TPTE: variants seen among roughly 807,000 people sequenced by gnomAD.
TPTE encodes the protein putative tyrosine-protein phosphatase TPTE.
Under a neutral mutation model 84.1 loss-of-function variants are expected in TPTE, and 59 were observed. The observed-to-expected ratio is 0.70, with a 90% confidence interval of 0.57 to 0.87. The LOEUF is 0.87. Among genes scored for constraint, TPTE ranks in the 40% least tolerant of loss-of-function variants. The pLI, the probability that TPTE is intolerant of heterozygous loss-of-function variation, is 0.00. For synonymous variants in TPTE, 130 were observed against 223.5 expected (o/e 0.58, Z 3.73); for missense variants, 382 against 659.6 (o/e 0.58, Z 4.61).
chr21:10,569,426 T>C lies in TPTE; in HGVS notation c.567-11T>C, dbSNP rs1207667001. 1 of 1,610,902 alleles carries C rather than the reference T, an allele frequency of 6.2e-7. No homozygotes were observed. The highest frequency in any genetic ancestry group is 8.5e-7 in the Non-Finnish European group (1 of 1,179,054). ...CTGAAGCAAAAATGGATCGTTTAAA[T>C]TTATTCTTAGATGGACACATTTACT... On this transcript the variant is annotated splice_polypyrimidine_tract_variant and intron_variant, in intron 11 of 23. Transcript: ENST00000618007.
chr21:10,591,547 G>A (rs1390971912), intron 18 of TPTE, among the ~76,000 whole-genome samples: 2 of 152,312 alleles, frequency 1.3e-5, no homozygotes, highest in African/African-American at 2.4e-5. Flanking sequence ...ATATTGGTGT[G>A]TGTGTGTGTC....
chr21:10,573,948 T>C (rs1221218335), intron 14 of TPTE, among the ~76,000 whole-genome samples: 8 of 152,422 alleles, frequency 5.2e-5, no homozygotes, highest in Admixed American at 6.5e-5. Flanking sequence ...ACAATGCAAA[T>C]TACACTACCA....
chr21:10,593,822 G>T (rs550235900), intron 19 of TPTE, among the ~76,000 whole-genome samples: 13 of 152,392 alleles, frequency 8.5e-5, no homozygotes, highest in African/African-American at 3.1e-4. Context: ...TTTGGATGTG[G>T]CTGTAAATGA....
chr21:10,568,576 C>T (rs1192397250), intron 11 of TPTE, among the ~76,000 whole-genome samples: 1 of 152,310 alleles, frequency 6.6e-6, no homozygotes, highest in Non-Finnish European at 1.5e-5. Context: ...TCTTTTTGTA[C>T]CCTAGCTTCC....
At chr21:10,532,876 G>A (rs903600153) in intron 3 of TPTE, among the ~76,000 whole-genome samples, 16 of 152,292 alleles carry the variant, frequency 1.1e-4, no homozygotes, top group African/African-American at 3.9e-4. Context: ...CTTTCTTTAT[G>A]GTACAGAGAG....
At chr21:10,574,212 T>C (rs1192540965) in intron 14 of TPTE, among the ~76,000 whole-genome samples, 1 of 152,312 alleles carries the variant, frequency 6.6e-6, no homozygotes, top group Non-Finnish European at 1.5e-5. Context: ...TGTTTAATTT[T>C]ATGTAATTTA....
At chr21:10,581,516 T>C (rs76978458) in intron 17 of TPTE, among the ~76,000 whole-genome samples, 5,095 of 139,466 alleles carry the variant, frequency 0.037, no homozygotes, top group East Asian at 0.11. Context: ...GAGCAGCCTC[T>C]TTTTTATGTG....
intron 2 of TPTE, among the ~76,000 whole-genome samples, chr21:10,526,266 G>A (rs1235285798): frequency 6.6e-6 from 1 of 152,308 alleles, no homozygotes; most frequent in Non-Finnish European, 1.5e-5. Flanking sequence ...CCAGGCTAAC[G>A]AGATGCGATA....
intron 3 of TPTE, among the ~76,000 whole-genome samples, chr21:10,536,883 T>C (rs1196716486): frequency 2.6e-5 from 4 of 152,310 alleles, no homozygotes; most frequent in Non-Finnish European, 4.4e-5. Context: ...GAAAACCCTA[T>C]GCAGAGCAAC....
At chr21:10,589,242 C>CTGGGT (rs2075420126) in intron 17 of TPTE, among the ~76,000 whole-genome samples, 1 of 152,366 alleles carries the variant, frequency 6.6e-6, no homozygotes, top group East Asian at 1.9e-4. Context: ...GTAGAGCATG[C>CTGGGT]TGGGTAGGGT....
In TPTE at chr21:10,542,453, G is replaced by T. The variant is rs1405840152; in HGVS notation, c.119+5G>T. ...GGAGGCACCTGCGAAAGAAAGGTGA[G>T]CAATAAATAGTTAAAGTCACCCGTC... On this transcript the variant is annotated splice_donor_5th_base_variant and intron_variant, in intron 6 of 23. Transcript: ENST00000618007. 2.5e-6 allele frequency: 4 copies of T among 1,610,814 alleles called. No individual in the cohort carries two copies. Among genetic ancestry groups the T allele is most frequent in the Admixed American group, 3.3e-5 (2 of 59,888 alleles).
chr21:10,553,417 G>A (rs2074619038), intron 8 of TPTE, among the ~76,000 whole-genome samples: 1 of 152,306 alleles, frequency 6.6e-6, no homozygotes, highest in East Asian at 1.9e-4. Flanking sequence ...AGCTGTTGGT[G>A]TCTAAACAAA....
chr21:10,564,208 C>A (rs2074868069), intron 10 of TPTE, among the ~76,000 whole-genome samples: 1 of 152,412 alleles, frequency 6.6e-6, no homozygotes, highest in East Asian at 1.9e-4. Flanking sequence ...AAACACTCTT[C>A]TCCCATAAAG....
intron 17 of TPTE, among the ~76,000 whole-genome samples, 181 bp downstream of exon 17, chr21:10,578,786 A>T (rs2075215610): frequency 1.3e-5 from 2 of 152,312 alleles, no homozygotes; most frequent in Non-Finnish European, 2.9e-5. Context: ...AGGGTAGGAG[A>T]TAGGGAGAGG....
At chr21:10,600,998 G>C (rs1279937532) in intron 21 of TPTE, among the ~76,000 whole-genome samples, 1 of 152,186 alleles carries the variant, frequency 6.6e-6, no homozygotes, top group Non-Finnish European at 1.5e-5. Flanking sequence ...ACAGACCCCC[G>C]TTGTTATTTT....
chr21:10,561,257 G>T, intron 10 of TPTE, 66 bp downstream of exon 10: 2 of 1,591,386 alleles, frequency 1.3e-6, no homozygotes, highest in East Asian at 4.5e-5. Context: ...ACTTTCGGAG[G>T]CTGAGGTGGG....
intron 21 of TPTE, among the ~76,000 whole-genome samples, chr21:10,600,210 G>C (rs2083649109): frequency 6.7e-6 from 1 of 148,328 alleles, no homozygotes; most frequent in Middle Eastern, 3.5e-3. Context: ...CGCAATCTCA[G>C]CTCACCACAA....
intron 10 of TPTE, among the ~76,000 whole-genome samples, chr21:10,564,571 T>C (rs2074877136): frequency 2.0e-5 from 3 of 152,304 alleles, no homozygotes; most frequent in Admixed American, 2.0e-4. Flanking sequence ...CATGCTAATA[T>C]ATCTGATAAA....
chr21:10,556,431 C>T (rs1360981726), intron 8 of TPTE, among the ~76,000 whole-genome samples: 2 of 152,422 alleles, frequency 1.3e-5, no homozygotes, highest in South Asian at 2.1e-4. Context: ...TTTTCTTCAT[C>T]CAGTCTATCA....
Sources: gnomAD v4.1 joint callset for allele counts (sites outside exome capture counted in the v4.1 genomes callset) on GRCh38, gnomAD v4.1.1 for gene constraint, MANE v1.5 for transcripts, NCBI Gene and HGNC (gene_info 2026-07-23, HGNC 2026-07-21) for gene names.